The following DOC2B variants were observed in gnomAD, a reference collection of about 807,000 sequenced individuals.
DOC2B encodes the protein double C2 domain beta.
Under a neutral mutation model 28.9 loss-of-function variants are expected in DOC2B, and 21 were observed. The ratio of observed to expected loss-of-function variants is 0.73; its 90% CI spans 0.52 to 1.05. The LOEUF (loss-of-function observed/expected upper bound fraction) is 1.05. Ranked by LOEUF, DOC2B falls within the 50% of genes least tolerant of loss-of-function variation. DOC2B has a pLI of 0.00. For missense variants in DOC2B, 384 were observed against 421.1 expected, an observed-to-expected ratio of 0.91 and a Z score of 0.77; for synonymous variants, 194 against 178.1, an observed-to-expected ratio of 1.09 and a Z score of -0.71.
At chr17:174,139 G>C (rs542716697) in intron 1 of DOC2B, among the ~76,000 whole-genome samples, 5 of 152,300 alleles carry the variant, frequency 3.3e-5, no homozygotes, top group Middle Eastern at 3.4e-3. Flanking sequence ...CTGGTGATGG[G>C]AGTGGCATTT....
intron 6 of DOC2B, 63 bp downstream of exon 6, chr17:156,157 C>T (rs545708508): frequency 1.4e-6 from 2 of 1,476,822 alleles, no homozygotes; most frequent in Non-Finnish European, 1.8e-6. Flanking sequence ...ACGGAGCCGG[C>T]ACACGGACCC....
rs143900812 is a variant in DOC2B, at chr17:159,698, C to T, written c.765+1717G>A. ...GGGTGCATCCCCAGCTGCACTCCTG[C>T]GGTCACTGTGAGTCCCTGAACGGCA... On this transcript the variant is annotated intron_variant, in intron 5 of 8. Transcript: ENST00000613549. Among the ~76,000 whole-genome samples the T allele has an allele frequency of 1.1e-3, 165 of 152,294 alleles. 1 individual carries two copies. The highest frequency in any genetic ancestry group is 3.6e-3 in the African/African-American group (148 of 41,572).
intron 1 of DOC2B, among the ~76,000 whole-genome samples, chr17:174,044 G>A (rs2040341895): frequency 6.6e-6 from 1 of 152,166 alleles, no homozygotes; most frequent in Non-Finnish European, 1.5e-5. Flanking sequence ...GGCGAGTGCT[G>A]GGCCCAGGCA....
chr17:149,559 T>TG (rs2040051087), intron 6 of DOC2B, among the ~76,000 whole-genome samples: 1 of 147,478 alleles, frequency 6.8e-6, no homozygotes, highest in Non-Finnish European at 1.5e-5. Flanking sequence ...TTCAAACTTC[T>TG]TTTTTTTTTT....
chr17:165,156 G>C (rs2040247677), intron 2 of DOC2B, among the ~76,000 whole-genome samples: 1 of 151,594 alleles, frequency 6.6e-6, no homozygotes, highest in African/African-American at 2.4e-5. Flanking sequence ...CTCAGCTCCT[G>C]TTCACCAGCT....
intron 8 of DOC2B, among the ~76,000 whole-genome samples, 155 bp from the exon 9 acceptor site, chr17:147,732 T>A (rs1462924697): frequency 1.3e-5 from 2 of 152,154 alleles, no homozygotes; most frequent in Non-Finnish European, 2.9e-5. Flanking sequence ...CATGCCACAC[T>A]CTGGCCCCGT....
chr17:148,990 C>G, intron 7 of DOC2B, 121 bp downstream of exon 7: 1 of 397,132 alleles, frequency 2.5e-6, no homozygotes, highest in Non-Finnish European at 4.4e-6. Flanking sequence ...TTGGTGCGGC[C>G]CCTCCCCACC....
chr17:177,619 G>A (rs2040385812), intron 1 of DOC2B, among the ~76,000 whole-genome samples: 1 of 152,242 alleles, frequency 6.6e-6, no homozygotes, highest in Non-Finnish European at 1.5e-5. Flanking sequence ...CCTCGCTGTG[G>A]GGTCACCTGT....
At chr17:179,591 T>G (rs150202443) in intron 1 of DOC2B, among the ~76,000 whole-genome samples, 4,350 of 152,226 alleles carry the variant, frequency 0.029, 208 homozygotes, top group African/African-American at 0.099. Flanking sequence ...CCAAAGCAGT[T>G]ACTTGGGTCC....
chr17:159,627 AAAT>A (rs1392639169), intron 5 of DOC2B, among the ~76,000 whole-genome samples: 1 of 152,130 alleles, frequency 6.6e-6, no homozygotes, highest in African/African-American at 2.4e-5. Context: ...CAGTCTCAAA[AAAT>A]AATAATAATA....
At chr17:165,365 C>T (rs533800464) in intron 2 of DOC2B, among the ~76,000 whole-genome samples, 1 of 151,814 alleles carries the variant, frequency 6.6e-6, no homozygotes, top group Admixed American at 6.6e-5. Flanking sequence ...GCCTGTGGTT[C>T]CAGCAACTAG....
chr17:162,800 G>C (rs979839065), intron 3 of DOC2B, among the ~76,000 whole-genome samples: 1 of 152,206 alleles, frequency 6.6e-6, no homozygotes, highest in Non-Finnish European at 1.5e-5. Context: ...TGTGGAACTG[G>C]AGTCTCCTTC....
intron 5 of DOC2B, among the ~76,000 whole-genome samples, chr17:156,767 A>C (rs961945465): frequency 1.3e-5 from 2 of 152,212 alleles, no homozygotes; most frequent in Non-Finnish European, 2.9e-5. Context: ...AAATAGAGAC[A>C]GGGGTCTCAC....
At chr17:175,797 G>A (rs1382258925) in intron 1 of DOC2B, among the ~76,000 whole-genome samples, 2 of 152,214 alleles carry the variant, frequency 1.3e-5, no homozygotes, top group African/African-American at 2.4e-5. Context: ...GCTCCTGGAG[G>A]GGAGAAGCCC....
intron 6 of DOC2B, among the ~76,000 whole-genome samples, chr17:150,079 T>C (rs1478568698): frequency 6.6e-6 from 1 of 152,160 alleles, no homozygotes; most frequent in Non-Finnish European, 1.5e-5. Flanking sequence ...GGGGAGTGAC[T>C]TGCCCAAGGT....
In DOC2B at chr17:181,412, C is replaced by A; in HGVS notation, c.68G>T (p.Cys23Phe). The change falls in exon 1 of 9, where the codon TGC becomes TTC. Residue 23 changes from cysteine to phenylalanine, a missense_variant. Transcript: ENST00000613549. The surrounding 1 kb of genome is among the most constrained non-coding windows in gnomAD (Gnocchi z 7.0). ...SIQEHMAIDVCPGPIRPIKQI... is the reference protein window; with the variant it reads ...SIQEHMAIDVFPGPIRPIKQI... Reference sequence around the variant, plus strand: ...CTTGATGGGACGGATGGGGCCGGGGCACACGTCGATGGCCATATGCTCCTG... The same window carrying A: ...CTTGATGGGACGGATGGGGCCGGGGAACACGTCGATGGCCATATGCTCCTG... 1 of 1,188,330 alleles carries A rather than the reference C, an allele frequency of 8.4e-7. No homozygotes were observed. Among genetic ancestry groups the A allele is most frequent in the Non-Finnish European group, 1.1e-6 (1 of 947,446 alleles). 73.6% of individuals were successfully genotyped at this position (1,188,330 alleles called of 1,614,324 possible).
At chr17:174,264 A>G (rs2151475204) in intron 1 of DOC2B, among the ~76,000 whole-genome samples, 1 of 152,296 alleles carries the variant, frequency 6.6e-6, no homozygotes, top group Non-Finnish European at 1.5e-5. Flanking sequence ...CCCAGCGTGC[A>G]CTTCCCTGCT....
At chr17:172,847 G>A (rs1235712242) in intron 1 of DOC2B, among the ~76,000 whole-genome samples, 1 of 152,204 alleles carries the variant, frequency 6.6e-6, no homozygotes, top group East Asian at 1.9e-4. Flanking sequence ...GAGACCCAGA[G>A]AGGTCAGGTG....
chr17:164,689 A>G (rs2040242495), intron 2 of DOC2B, among the ~76,000 whole-genome samples: 1 of 152,034 alleles, frequency 6.6e-6, no homozygotes, highest in African/African-American at 2.4e-5. Context: ...GAGATCACAC[A>G]AGCAGACTGG....
Sources: allele counts gnomAD v4.1 joint callset (sites outside exome capture counted in the v4.1 genomes callset), GRCh38; gene constraint gnomAD v4.1.1; non-coding constraint Gnocchi (gnomAD v3.1); transcripts MANE v1.5; gene names NCBI Gene and HGNC (gene_info 2026-07-23, HGNC 2026-07-21).